The following SYN3 variants were observed in gnomAD, a reference collection of about 807,000 sequenced individuals.
SYN3 encodes the protein synapsin III.
SYN3 carries 35 observed loss-of-function variants against 65.8 expected under a neutral mutation model. That is an observed-to-expected ratio of 0.53 (90% confidence interval 0.41 to 0.70). The LOEUF is 0.70. SYN3 is among the 30% of genes least tolerant of loss of function. The pLI is 0.00. For synonymous variants in SYN3, 270 were observed against 292.9 expected (o/e 0.92, Z 0.80); for missense variants, 680 against 749.0 (o/e 0.91, Z 1.08).
At chr22:32,547,741 TC>T (rs2058355660) in intron 7 of SYN3, among the ~76,000 whole-genome samples, 1 of 152,200 alleles carries the variant, frequency 6.6e-6, no homozygotes, top group Non-Finnish European at 1.5e-5. Flanking sequence ...CTCAGAGGTC[TC>T]CTGTTCCAAA....
At chr22:32,740,730 T>C (rs2061393935) in intron 6 of SYN3, among the ~76,000 whole-genome samples, 1 of 152,114 alleles carries the variant, frequency 6.6e-6, no homozygotes, top group South Asian at 2.1e-4. Flanking sequence ...TTGAGTTCAG[T>C]TCAAGAAGAC....
intron 4 of SYN3, among the ~76,000 whole-genome samples, chr22:32,927,404 G>A (rs2050503875): frequency 8.8e-6 from 1 of 113,866 alleles, no homozygotes; most frequent in South Asian, 2.7e-4. Flanking sequence ...TAGCTGGGAG[G>A]ATTTCTGCTA....
chr22:32,516,347 ATTTATT>A (rs2057775088), intron 13 of SYN3, among the ~76,000 whole-genome samples: 1 of 85,674 alleles, frequency 1.2e-5, no homozygotes, highest in Admixed American at 9.8e-5. Flanking sequence ...TACATCTTTG[ATTTATT>A]TATTTATTTA....
chr22:32,656,430 C>G (rs2060142960), intron 6 of SYN3, among the ~76,000 whole-genome samples: 1 of 152,168 alleles, frequency 6.6e-6, no homozygotes, highest in East Asian at 1.9e-4. Context: ...ATATGAGCTG[C>G]TGTATCAGGA....
At chr22:32,616,752 T>C (rs960005704) in intron 6 of SYN3, among the ~76,000 whole-genome samples, 4 of 152,050 alleles carry the variant, frequency 2.6e-5, no homozygotes, top group Admixed American at 1.3e-4. Flanking sequence ...TCAGGAGAAT[T>C]ACGAAGAAAA....
intron 7 of SYN3, among the ~76,000 whole-genome samples, chr22:32,571,851 A>G (rs1286411814): frequency 6.6e-6 from 1 of 152,114 alleles, no homozygotes; most frequent in Non-Finnish European, 1.5e-5. Flanking sequence ...CTCAGTGCCC[A>G]GAACACTGCC....
chr22:32,588,469 C>G (rs1185665325), intron 7 of SYN3, among the ~76,000 whole-genome samples: 2 of 152,180 alleles, frequency 1.3e-5, no homozygotes, highest in African/African-American at 4.8e-5. Context: ...TCTATTGTAA[C>G]TGCTTATTTC....
chr22:32,836,991 G>T (rs900950371), intron 6 of SYN3, among the ~76,000 whole-genome samples: 1 of 152,182 alleles, frequency 6.6e-6, no homozygotes, highest in Non-Finnish European at 1.5e-5. Context: ...TGCGGGTCTG[G>T]CGTGCAAAGG....
intron 6 of SYN3, among the ~76,000 whole-genome samples, chr22:32,806,121 T>C (rs1569238552): frequency 6.6e-6 from 1 of 151,922 alleles, no homozygotes; most frequent in Admixed American, 6.6e-5. Flanking sequence ...TTCAAGACTC[T>C]TCCCTTAAAG....
At chr22:32,803,015 A>G (rs146819543) in intron 6 of SYN3, among the ~76,000 whole-genome samples, 1 of 152,120 alleles carries the variant, frequency 6.6e-6, no homozygotes, top group Non-Finnish European at 1.5e-5. Context: ...GGGCCCCGAG[A>G]GCATCCTGGG....
At chr22:32,610,951 A>G (rs555805983) in intron 6 of SYN3, among the ~76,000 whole-genome samples, 10 of 152,322 alleles carry the variant, frequency 6.6e-5, no homozygotes, top group African/African-American at 2.4e-4. Context: ...GCCACACAGT[A>G]TTCTGTTGTA....
At chr22:32,890,970 A>G (rs555108013) in intron 4 of SYN3, among the ~76,000 whole-genome samples, 3 of 152,234 alleles carry the variant, frequency 2.0e-5, no homozygotes, top group African/African-American at 7.2e-5. Context: ...TACCAGATTC[A>G]GCCAACTGGA....
chr22:32,933,767 T>C (rs1182188466), intron 3 of SYN3, among the ~76,000 whole-genome samples: 1 of 152,114 alleles, frequency 6.6e-6, no homozygotes, highest in East Asian at 1.9e-4. Flanking sequence ...CCACACTCCA[T>C]GGCCCCCACT....
chr22:32,543,824 T>G lies in SYN3; in HGVS notation c.775-2111A>C, dbSNP rs188202363. ...CCCCGTCCTTTTTCCTTCTTTGCTC[T>G]GGCAGGGAATGTGAACATGATGGTA... On this transcript the variant is annotated intron_variant, in intron 7 of 13. Transcript: ENST00000358763. Among the ~76,000 whole-genome samples the G allele has an allele frequency of 3.2e-3, 494 of 152,318 alleles. 5 individuals carry two copies. The highest frequency in any genetic ancestry group is 0.011 in the African/African-American group (463 of 41,568).
chr22:32,804,351 C>T (rs2046669292), intron 6 of SYN3, among the ~76,000 whole-genome samples: 1 of 152,214 alleles, frequency 6.6e-6, no homozygotes, highest in African/African-American at 2.4e-5. Context: ...AGTTTCATTG[C>T]TCAGAGCCTT....
Position 32,794,511 on chromosome 22 carries a change from T to G in SYN3, c.711+70404A>C, listed in dbSNP as rs570372897. On this transcript the variant is annotated intron_variant, in intron 6 of 13. Transcript: ENST00000358763. ...GGGTGAATGTGTGACGGTGATACTC[T>G]GACTCCTCCTTTTCTCCACTCCATT... Among the ~76,000 whole-genome samples, 8 of 152,352 alleles carry G rather than the reference T, an allele frequency of 5.3e-5. No homozygotes were observed. The East Asian group carries it at 1.5e-3, about 29-fold the overall frequency.
At chr22:32,993,715 A>C (rs974620291) in intron 2 of SYN3, among the ~76,000 whole-genome samples, 4 of 148,690 alleles carry the variant, frequency 2.7e-5, no homozygotes, top group Non-Finnish European at 6.0e-5. Flanking sequence ...TGGGAATCTG[A>C]ATGTCATTGT....
chr22:32,607,495 G>A (rs1165181393), intron 6 of SYN3, among the ~76,000 whole-genome samples: 2 of 152,158 alleles, frequency 1.3e-5, no homozygotes, highest in African/African-American at 4.8e-5. Flanking sequence ...GCACACAGGA[G>A]GGCCCAGGAG....
intron 1 of SYN3, among the ~76,000 whole-genome samples, chr22:33,037,479 T>C (rs987249151): frequency 3.9e-5 from 6 of 152,262 alleles, no homozygotes; most frequent in Admixed American, 3.9e-4. Context: ...TCCTTTATCC[T>C]GATTTCTAAT....
Sources: allele counts gnomAD v4.1 joint callset (sites outside exome capture counted in the v4.1 genomes callset), GRCh38; gene constraint gnomAD v4.1.1; transcripts MANE v1.5; gene names NCBI Gene and HGNC (gene_info 2026-07-23, HGNC 2026-07-21).